FBXO41: variants seen among roughly 807,000 people sequenced by gnomAD.
FBXO41 encodes the protein F-box protein 41, also known as F-box only protein 41.
FBXO41 carries 33 observed loss-of-function variants against 81.6 expected under a neutral mutation model. The ratio of observed to expected loss-of-function variants is 0.40; its 90% CI spans 0.31 to 0.54. The LOEUF (loss-of-function observed/expected upper bound fraction) is 0.54, where lower values mean the gene tolerates loss of function less well. Among genes scored for constraint, FBXO41 ranks in the 20% least tolerant of loss-of-function variants. The probability of loss-of-function intolerance (pLI) is 0.39; values close to 1 mark genes in which losing one functional copy is unlikely to be tolerated. For missense variants in FBXO41, 1,107 were observed against 1,236.0 expected (o/e 0.90, Z 1.56); for synonymous variants, 576 against 552.7 (o/e 1.04, Z -0.59).
At chr2:73,272,382 G>C (rs1688533503) in intron 1 of FBXO41, 1 of 152,250 alleles carries the variant, frequency 6.6e-6, no homozygotes, top group Non-Finnish European at 1.5e-5. Flanking sequence ...ATATGGCTGA[G>C]AGTCAGATAA....
intron 6 of FBXO41, 63 bp downstream of exon 6, chr2:73,264,215 G>C (rs1688136935): frequency 1.2e-6 from 2 of 1,607,624 alleles, no homozygotes; most frequent in Non-Finnish European, 1.7e-6. Context: ...CAAGGGGCCA[G>C]ATTCTACCCA....
intron 9 of FBXO41, among the ~76,000 whole-genome samples, chr2:73,261,366 T>C (rs1688016534): frequency 1.3e-5 from 2 of 152,112 alleles, no homozygotes; most frequent in African/African-American, 4.8e-5. Context: ...CCTTAAGTAC[T>C]CTTGAACCCA....
chr2:73,262,505 C>G (rs370180518), intron 9 of FBXO41, among the ~76,000 whole-genome samples: 349 of 152,346 alleles, frequency 2.3e-3, no homozygotes, highest in African/African-American at 7.4e-3. Flanking sequence ...CTCCCTGAAC[C>G]ACCTTTCATA....
Position 73,266,421 on chromosome 2 carries a change from G to C in FBXO41, c.1131+36C>G. ...AAGGTGAGGTTGTGGGGGGCCAGGT[G>C]TGCAGGTAGAGGAGGGAAGGCAGGT... is the stretch of plus-strand genomic sequence containing the variant. On this transcript the variant is annotated intron_variant, in intron 3 of 12. Coordinates refer to ENST00000520530, the MANE Select transcript of FBXO41 (RefSeq NM_001371389.2). The surrounding 1 kb of genome is among the most constrained non-coding windows in gnomAD (Gnocchi z 5.3). 1 of 1,454,356 alleles carries C rather than the reference G, an allele frequency of 6.9e-7. No individual in the cohort carries two copies. The highest frequency in any genetic ancestry group is 9.1e-7 in the Non-Finnish European group (1 of 1,095,786). 90.1% of individuals were successfully genotyped at this position (1,454,356 alleles called of 1,614,324 possible). A position where few individuals can be genotyped will look rare whatever the true frequency, so the allele number is the denominator to read the frequency against.
Position 73,260,770 on chromosome 2 carries a change from C to G in FBXO41, c.2260G>C (p.Gly754Arg). The G allele has an allele frequency of 6.4e-7, 1 of 1,558,184 alleles. No homozygotes were observed. Among genetic ancestry groups the G allele is most frequent in the Non-Finnish European group, 8.7e-7 (1 of 1,149,852 alleles). ...HLRALGVGGA[G>R]CGVQGLASLA... ...GATGCCAGGCCCTGCACCCCACAGCCGGCACCCCCGACCCCCAGGGCCCGC... is the reference window on the plus strand; with the variant it reads ...GATGCCAGGCCCTGCACCCCACAGCGGGCACCCCCGACCCCCAGGGCCCGC... Residue 754 changes from glycine to arginine, a missense_variant, in exon 10 of 13, where the codon GGC becomes CGC. Physicochemically the swap from Gly to Arg is moderately radical, Grantham distance 125. Transcript: ENST00000520530. The surrounding 1 kb of genome is among the most constrained non-coding windows in gnomAD (Gnocchi z 5.0).
At chr2:73,275,342 G>T (rs920121329) in intron 1 of FBXO41, among the ~76,000 whole-genome samples, 3 of 151,876 alleles carry the variant, frequency 2.0e-5, no homozygotes, top group African/African-American at 7.3e-5. Flanking sequence ...ACCACCACAC[G>T]TGGCTAATTT....
intron 8 of FBXO41, 51 bp from the exon 9 acceptor site, chr2:73,263,359 A>G (rs1688089034): frequency 7.3e-7 from 1 of 1,369,232 alleles, no homozygotes; most frequent in East Asian, 2.6e-5. Context: ...TTATACTGGT[A>G]ATCCCAACAC....
chr2:73,276,346 G>T (rs939646518), intron 1 of FBXO41, among the ~76,000 whole-genome samples: 5 of 151,526 alleles, frequency 3.3e-5, no homozygotes, highest in Admixed American at 6.6e-5. Flanking sequence ...GGAGGTGGAG[G>T]TTGCAATGAG....
chr2:73,269,611 G>C lies in FBXO41; in HGVS notation c.20C>G (p.Pro7Arg). 7.8e-7 allele frequency: 1 copy of C among 1,283,948 alleles called. No individual in the cohort carries two copies. The highest frequency in any genetic ancestry group is 9.9e-7 in the Non-Finnish European group (1 of 1,007,042). 79.5% of individuals were successfully genotyped at this position (1,283,948 alleles called of 1,614,324 possible). ...CTCCCCGCAGCGGGGGCAGCGGTAC[G>C]GCAGGTCCAGCGAGGCCATGGCCCC... MASLDL[P>R]YRCPRCGEHK... Residue 7 changes from proline (P) to arginine (R), a missense_variant, in exon 2 of 13, where the codon CCG becomes CGG. By Grantham distance (103) the Pro-to-Arg change is moderately radical. Around this residue, in one of 2 missense-constraint regions of FBXO41, gnomAD observed 771 missense variants for 789.2 expected, o/e 0.98. Transcript: ENST00000520530. This position sits in a 1 kb window ranked among gnomAD's most constrained non-coding sequence, Gnocchi z 7.0.
chr2:73,262,889 G>A (rs535275866), intron 9 of FBXO41, among the ~76,000 whole-genome samples: 15 of 152,288 alleles, frequency 9.8e-5, no homozygotes, highest in African/African-American at 3.1e-4. Context: ...GGGATTACAG[G>A]CATGCACCAC....
At chr2:73,281,459 A>T (rs887794233) in intron 1 of FBXO41, among the ~76,000 whole-genome samples, 3 of 152,072 alleles carry the variant, frequency 2.0e-5, no homozygotes, top group Non-Finnish European at 2.9e-5. Flanking sequence ...TCCCACACTG[A>T]CTCAGGGATT....
chr2:73,276,709 C>T (rs1688701971), intron 1 of FBXO41, among the ~76,000 whole-genome samples: 1 of 151,614 alleles, frequency 6.6e-6, no homozygotes, highest in Admixed American at 6.6e-5. Context: ...CTACCAGGTA[C>T]AACTCTTGGC....
In FBXO41 at chr2:73,276,107, T is replaced by TA. The variant is rs1558592243; in HGVS notation, c.-138-6340_-138-6339insT. ...GGCCAAGATTTAACTTTCTTTTTTT[T>TA]TAAAAAAATGATATGTAGTAGGCTA... On this transcript the variant is annotated intron_variant, in intron 1 of 12. Transcript: ENST00000520530. 6.0e-5 allele frequency among the ~76,000 whole-genome samples: 9 copies of TA among 150,140 alleles called. 1 individual carries two copies. The East Asian group carries it at 8.1e-4, about 13-fold the overall frequency.
rs1340022247 is a variant in FBXO41, at chr2:73,284,165, C to T, written c.-144G>A. The stretch of plus-strand genomic sequence containing the variant: ...TGCCCGCGACTCGCCCTTACCTCCT[C>T]CACCCCGCGGCGAGGCCAGGCCCAG... On this transcript the variant is annotated 5_prime_UTR_variant, in exon 1 of 13. Transcript: ENST00000520530. This position sits in a 1 kb window ranked among gnomAD's most constrained non-coding sequence, Gnocchi z 7.4. The T allele has an allele frequency of 2.0e-5, 3 of 152,464 alleles. No individual in the cohort carries two copies. The highest frequency in any genetic ancestry group is 4.4e-5 in the Non-Finnish European group (3 of 68,318). The allele number at this position is 152,464 out of a possible 1,614,324, so 9.4% of individuals were successfully genotyped here.
At chr2:73,270,860 A>G (rs1219836836) in intron 1 of FBXO41, 1 of 534,398 alleles carries the variant, frequency 1.9e-6, no homozygotes, top group South Asian at 1.4e-5. Flanking sequence ...TAGGGCTTCC[A>G]CTGCCCTGTG....
chr2:73,267,119 C>A (rs1688303966), intron 2 of FBXO41, among the ~76,000 whole-genome samples: 2 of 152,160 alleles, frequency 1.3e-5, no homozygotes, highest in South Asian at 4.1e-4. Context: ...TACCCAGCAT[C>A]CCAACACAGA....
At chr2:73,267,321 A>G (rs1688309439) in intron 2 of FBXO41, among the ~76,000 whole-genome samples, 1 of 152,248 alleles carries the variant, frequency 6.6e-6, no homozygotes, top group African/African-American at 2.4e-5. Flanking sequence ...ACAGTCAAAC[A>G]TACTTGCAGG....
At chr2:73,263,605 A>T (rs1045664959) in intron 8 of FBXO41, 73 bp downstream of exon 8, 9 of 1,569,946 alleles carry the variant, frequency 5.7e-6, no homozygotes, top group Non-Finnish European at 6.1e-6. Flanking sequence ...GGGGGAGGCT[A>T]TGCAGCACCT....
Position 73,265,638 on chromosome 2 carries a change from G to A in FBXO41, c.1208C>T (p.Ala403Val). 6.6e-7 allele frequency: 1 copy of A among 1,508,776 alleles called. No individual in the cohort carries two copies. The highest frequency in any genetic ancestry group is 2.2e-5 in the Admixed American group (1 of 45,012). The allele number at this position is 1,508,776 out of a possible 1,614,324, so 93.5% of individuals were successfully genotyped here. ...GGATGCGGCTGGCACACGGCTGGAG[G>A]CCCTGGGGCAGGGTGGACCACACAG... ...SRHGSSPSTG[A>V]SSRVPAASQS... The change falls in exon 5 of 13, where the codon GCC becomes GTC. Residue 403 changes from alanine to valine, a missense_variant and splice_region_variant. By Grantham distance (64) the Ala-to-Val change is moderately conservative. Transcript: ENST00000520530.
Sources: allele counts gnomAD v4.1 joint callset (sites outside exome capture counted in the v4.1 genomes callset), GRCh38; gene constraint gnomAD v4.1.1; regional missense constraint gnomAD v4.1.1; non-coding constraint Gnocchi (gnomAD v3.1); transcripts MANE v1.5; gene names NCBI Gene and HGNC (gene_info 2026-07-23, HGNC 2026-07-21).